Variants in IL15 observed in about 807,000 individuals in gnomAD.
The protein encoded by IL15 is interleukin-15.
A neutral mutation model predicts 19.6 loss-of-function variants in IL15; 11 were observed. That is an observed-to-expected ratio of 0.56 (90% CI 0.35 to 0.93). The LOEUF is 0.93. Ranked by LOEUF, IL15 falls within the 40% of genes least tolerant of loss-of-function variation. IL15 has a pLI of 0.01. For synonymous variants in IL15, 58 were observed against 59.6 expected (o/e 0.97, Z 0.12); for missense variants, 197 against 186.5 (o/e 1.06, Z -0.33).
At chr4:141,666,081 ATTATTTATTTAT>A (rs10530521) in intron 2 of IL15, among the ~76,000 whole-genome samples, 1 of 143,358 alleles carries the variant, frequency 7.0e-6, no homozygotes, top group Non-Finnish European at 1.5e-5. Context: ...CTTTTTATTT[ATTATTTATTTAT>A]TTATTTATTT....
intron 2 of IL15, among the ~76,000 whole-genome samples, chr4:141,693,085 A>C (rs926564384): frequency 6.7e-6 from 1 of 149,126 alleles, no homozygotes; most frequent in Non-Finnish European, 1.5e-5. Flanking sequence ...AAAGAGGTTT[A>C]ACTGACTCAC....
chr4:141,719,351 C>T lies in IL15; in HGVS notation c.-99-15C>T. 4.9e-6 allele frequency: 3 copies of T among 609,746 alleles called. No homozygotes were observed. Among genetic ancestry groups the T allele is most frequent in the Non-Finnish European group, 8.9e-6 (3 of 336,262 alleles). The allele number at this position is 609,746 out of a possible 1,614,324, so 37.8% of individuals were successfully genotyped here. A position where few individuals can be genotyped will look rare whatever the true frequency, so the allele number is the denominator to read the frequency against. On this transcript the variant is annotated splice_polypyrimidine_tract_variant and intron_variant, in intron 2 of 7. Coordinates refer to ENST00000320650, the MANE Select transcript of IL15 (RefSeq NM_000585.5). Reference sequence around the variant, plus strand: ...TAGTGCACTTGTGTTTTTAATGGATCATACTTTACCCTAGATTGTATTGTA... The same window carrying T: ...TAGTGCACTTGTGTTTTTAATGGATTATACTTTACCCTAGATTGTATTGTA...
chr4:141,720,071 C>G (rs1560936640), intron 3 of IL15, among the ~76,000 whole-genome samples: 1 of 151,944 alleles, frequency 6.6e-6, no homozygotes, highest in Admixed American at 6.6e-5. Flanking sequence ...TATTGCATCT[C>G]TGTTAGTAAT....
intron 7 of IL15, among the ~76,000 whole-genome samples, chr4:141,730,338 A>T (rs1730410625): frequency 6.6e-6 from 1 of 152,142 alleles, no homozygotes; most frequent in Non-Finnish European, 1.5e-5. Flanking sequence ...AATAATAGTA[A>T]CTCACATTTA....
At chr4:141,686,016 G>A (rs1362250258) in intron 2 of IL15, among the ~76,000 whole-genome samples, 1 of 152,096 alleles carries the variant, frequency 6.6e-6, no homozygotes, top group Admixed American at 6.6e-5. Flanking sequence ...GGCACAGTAG[G>A]CTGGGCGCAG....
At chr4:141,683,736 C>T (rs767994366) in intron 2 of IL15, among the ~76,000 whole-genome samples, 4 of 152,046 alleles carry the variant, frequency 2.6e-5, no homozygotes, top group Non-Finnish European at 5.9e-5. Flanking sequence ...TGTAATTTCA[C>T]ATTATTATTA....
chr4:141,653,221 CTG>C (rs1271905333), intron 1 of IL15, among the ~76,000 whole-genome samples: 1 of 152,150 alleles, frequency 6.6e-6, no homozygotes, highest in Non-Finnish European at 1.5e-5. Context: ...GGTTCAGAAA[CTG>C]TGCCATGCTT....
At chr4:141,641,676 C>A (rs1270105068) in intron 1 of IL15, among the ~76,000 whole-genome samples, 4 of 132,284 alleles carry the variant, frequency 3.0e-5, no homozygotes, top group African/African-American at 8.6e-5. Context: ...GAACATCACA[C>A]ACCGGGGCCT....
At position 141,677,544 on chromosome 4, in the gene IL15, T is replaced by G. The variant is rs1464247775; in HGVS notation, c.-100+21237T>G. On this transcript the variant is annotated intron_variant, in intron 2 of 7. Transcript: ENST00000320650. ...CCGGGGATCAGTGCCCCAGCCCGAGTTGTTCAAGGAGCTGTACTTGCAGTT... is the reference window on the plus strand; with the variant it reads ...CCGGGGATCAGTGCCCCAGCCCGAGGTGTTCAAGGAGCTGTACTTGCAGTT... Among the ~76,000 whole-genome samples the G allele has an allele frequency of 2.0e-5, 3 of 152,032 alleles. No individual in the cohort carries two copies. In the East Asian group the frequency reaches 5.8e-4, roughly 29 times the overall value.
chr4:141,694,422 G>C (rs1355591221), intron 2 of IL15, among the ~76,000 whole-genome samples: 1 of 152,174 alleles, frequency 6.6e-6, no homozygotes, highest in Non-Finnish European at 1.5e-5. Context: ...TCTGATGCAG[G>C]GGTAAGGTCA....
chr4:141,637,104 G>T (rs886692638), intron 1 of IL15: 1 of 152,302 alleles, frequency 6.6e-6, no homozygotes, highest in Admixed American at 6.5e-5. Context: ...CGCTCCGCTG[G>T]GAGGGTGAGG....
intron 2 of IL15, among the ~76,000 whole-genome samples, chr4:141,699,209 A>G (rs1202552241): frequency 6.6e-6 from 1 of 152,000 alleles, no homozygotes; most frequent in African/African-American, 2.4e-5. Flanking sequence ...TATGATTTTG[A>G]TTTTCTTAAA....
At chr4:141,666,096 A>ATTTATTTATTTC (rs1171257620) in intron 2 of IL15, among the ~76,000 whole-genome samples, 3 of 148,426 alleles carry the variant, frequency 2.0e-5, no homozygotes, top group Non-Finnish European at 4.5e-5. Flanking sequence ...TTATTTATTT[A>ATTTATTTATTTC]TTTATTTATT....
At chr4:141,651,053 A>T (rs762608774) in intron 1 of IL15, among the ~76,000 whole-genome samples, 2 of 151,964 alleles carry the variant, frequency 1.3e-5, no homozygotes, top group African/African-American at 2.4e-5. Context: ...GATGGGAATG[A>T]TGGTAGTCTG....
At chr4:141,642,232 G>A (rs1241573335) in intron 1 of IL15, among the ~76,000 whole-genome samples, 1 of 152,004 alleles carries the variant, frequency 6.6e-6, no homozygotes, top group Non-Finnish European at 1.5e-5. Flanking sequence ...GTGGGAGAAG[G>A]GTAATTATGA....
chr4:141,685,757 T>C (rs1401755448), intron 2 of IL15, among the ~76,000 whole-genome samples: 4 of 152,246 alleles, frequency 2.6e-5, no homozygotes, highest in Non-Finnish European at 4.4e-5. Flanking sequence ...TAATGTTCCA[T>C]GAATGAAAAG....
chr4:141,726,095 CA>C (rs1242124969), intron 5 of IL15, among the ~76,000 whole-genome samples: 3 of 152,200 alleles, frequency 2.0e-5, no homozygotes, highest in East Asian at 3.9e-4. Context: ...CATTGTGATC[CA>C]ATTACCTCTT....
intron 2 of IL15, chr4:141,715,719 G>A (rs1255649637): frequency 2.0e-5 from 3 of 152,060 alleles, no homozygotes; most frequent in Non-Finnish European, 4.4e-5. Flanking sequence ...TTTTCTAGTG[G>A]TTTGAATGAA....
At chr4:141,662,249 T>C (rs1727816233) in intron 2 of IL15, among the ~76,000 whole-genome samples, 1 of 152,246 alleles carries the variant, frequency 6.6e-6, no homozygotes, top group South Asian at 2.1e-4. Flanking sequence ...TCTGTCCTTG[T>C]TGACTTTTTC....
Sources: allele counts gnomAD v4.1 joint callset (sites outside exome capture counted in the v4.1 genomes callset), GRCh38; gene constraint gnomAD v4.1.1; transcripts MANE v1.5; gene names NCBI Gene and HGNC (gene_info 2026-07-23, HGNC 2026-07-21).